TIAM2: variants seen among roughly 807,000 people sequenced by gnomAD.
TIAM2 encodes the protein TIAM Rac1 associated GEF 2, also known as rho guanine nucleotide exchange factor TIAM2.
A neutral mutation model predicts 152.9 loss-of-function variants in TIAM2; 80 were observed. The ratio of observed to expected loss-of-function variants is 0.52; its 90% CI spans 0.44 to 0.63. TIAM2 has a LOEUF of 0.63. TIAM2 is among the 30% of genes least tolerant of loss of function. The pLI is 0.00. For missense variants in TIAM2, 1,965 were observed against 2,120.1 expected (o/e 0.93, Z 1.44); for synonymous variants, 804 against 838.0 (o/e 0.96, Z 0.70).
At chr6:155,134,826 A>C (rs767873528) in intron 4 of TIAM2, among the ~76,000 whole-genome samples, 16 of 152,100 alleles carry the variant, frequency 1.1e-4, no homozygotes, top group Non-Finnish European at 1.6e-4. Flanking sequence ...CTGCCTCAGC[A>C]TCCCAAGTAG....
chr6:155,210,733 C>A (rs543750872), intron 14 of TIAM2, among the ~76,000 whole-genome samples: 4 of 152,172 alleles, frequency 2.6e-5, no homozygotes, highest in African/African-American at 9.7e-5. Context: ...GATGCCAGCA[C>A]AAGAAACATG....
At chr6:155,162,946 A>G (rs1780311295) in intron 7 of TIAM2, among the ~76,000 whole-genome samples, 1 of 152,220 alleles carries the variant, frequency 6.6e-6, no homozygotes, top group Non-Finnish European at 1.5e-5. Flanking sequence ...TTTTTCTTTC[A>G]TGCAGAAAAG....
At chr6:154,998,690 A>T (rs184625221) in intron 1 of TIAM2, among the ~76,000 whole-genome samples, 13 of 152,364 alleles carry the variant, frequency 8.5e-5, no homozygotes, top group African/African-American at 3.1e-4. Context: ...TCTAGAATTC[A>T]TAACATTGGA....
intron 4 of TIAM2, among the ~76,000 whole-genome samples, chr6:155,136,525 C>A (rs1042682566): frequency 6.6e-6 from 1 of 152,026 alleles, no homozygotes; most frequent in Non-Finnish European, 1.5e-5. Flanking sequence ...CCACCTGCCT[C>A]GGCCTCCCAA....
At chr6:155,046,766 G>C (rs182128912) in intron 1 of TIAM2, among the ~76,000 whole-genome samples, 5 of 152,068 alleles carry the variant, frequency 3.3e-5, no homozygotes, top group Admixed American at 2.6e-4. Flanking sequence ...TGCCTCTCTC[G>C]GGGAGACAGA....
chr6:155,043,556 C>G (rs997741238), intron 1 of TIAM2, among the ~76,000 whole-genome samples: 1 of 150,156 alleles, frequency 6.7e-6, no homozygotes, highest in African/African-American at 2.5e-5. Flanking sequence ...ATTGCTTGAG[C>G]CCGGGAGTTT....
chr6:155,164,729 C>T, intron 8 of TIAM2, 129 bp downstream of exon 8: 1 of 1,148,342 alleles, frequency 8.7e-7, no homozygotes, highest in Non-Finnish European at 1.2e-6. Flanking sequence ...GGCCAGGTCA[C>T]CCAGAGGCCA....
intron 1 of TIAM2, among the ~76,000 whole-genome samples, chr6:155,070,972 G>GA (rs1181229702): frequency 6.6e-6 from 1 of 152,180 alleles, no homozygotes; most frequent in Non-Finnish European, 1.5e-5. Flanking sequence ...AAGAGGTCGA[G>GA]ACCAGCCTGG....
At chr6:155,107,078 T>A (rs1778710795) in intron 2 of TIAM2, among the ~76,000 whole-genome samples, 1 of 152,186 alleles carries the variant, frequency 6.6e-6, no homozygotes, top group Non-Finnish European at 1.5e-5. Context: ...TTTGTGGATG[T>A]GTATATAGAC....
chr6:155,222,007 G>A (rs1782061537), intron 15 of TIAM2, among the ~76,000 whole-genome samples: 1 of 151,916 alleles, frequency 6.6e-6, no homozygotes, highest in Admixed American at 6.6e-5. Flanking sequence ...AGGCTGGAGT[G>A]CAGTGGCGCG....
chr6:155,096,049 T>A (rs1778413686), intron 2 of TIAM2, among the ~76,000 whole-genome samples: 1 of 152,232 alleles, frequency 6.6e-6, no homozygotes, highest in Non-Finnish European at 1.5e-5. Context: ...ACAGATGTTA[T>A]CATTTACATA....
At chr6:155,046,324 GCT>G (rs1777173182) in intron 1 of TIAM2, among the ~76,000 whole-genome samples, 1 of 142,362 alleles carries the variant, frequency 7.0e-6, no homozygotes, top group Non-Finnish European at 1.5e-5. Context: ...GGCACTCTTG[GCT>G]CTGTCTTTTT....
intron 1 of TIAM2, among the ~76,000 whole-genome samples, chr6:155,078,942 G>T (rs1373576780): frequency 9.9e-5 from 15 of 151,782 alleles, no homozygotes; most frequent in Non-Finnish European, 2.9e-5. Context: ...ATTGCTGCCT[G>T]AAATCCTGTT....
chr6:155,239,189 T>C (rs1408158715), intron 15 of TIAM2, among the ~76,000 whole-genome samples: 1 of 152,200 alleles, frequency 6.6e-6, no homozygotes, highest in Non-Finnish European at 1.5e-5. Flanking sequence ...CAGAGATGGA[T>C]AGAGGTCAGG....
rs11368126 is a variant in TIAM2 at position 155,128,697 on chromosome 6, T to TA, written c.-6-506dup. Among the ~76,000 whole-genome samples, 223 of 140,656 alleles carry TA rather than the reference T, an allele frequency of 1.6e-3. 1 individual carries two copies. The highest frequency in any genetic ancestry group is 6.5e-3 in the East Asian group (31 of 4,776). 92.3% of individuals were successfully genotyped at this position (140,656 alleles called of 152,430 possible). A position where few individuals can be genotyped will look rare whatever the true frequency, so the allele number is the denominator to read the frequency against. On this transcript the variant is annotated intron_variant, in intron 3 of 26. Transcript: ENST00000682666. ...GCAACAGAGTGAGACCCCATATCTT[T>TA]AAAAAAAAAAAAAAACCCCGAGCTT...
At chr6:155,256,023 G>T (rs994425806) in intron 26 of TIAM2, 1 of 198,242 alleles carries the variant, frequency 5.0e-6, no homozygotes, top group South Asian at 7.4e-5. Flanking sequence ...AAAAAAAGGG[G>T]GGGGGAGGGG....
chr6:155,032,065 T>C (rs1776832845), intron 1 of TIAM2, among the ~76,000 whole-genome samples: 2 of 152,080 alleles, frequency 1.3e-5, no homozygotes, highest in African/African-American at 2.4e-5. Context: ...GCGTGTACTT[T>C]ATACGATGGA....
chr6:155,149,240 AG>A (rs1254241742), intron 7 of TIAM2: 1 of 167,084 alleles, frequency 6.0e-6, no homozygotes, highest in Non-Finnish European at 1.5e-5. Flanking sequence ...AGTTACCACG[AG>A]GGGATCTGTG....
intron 3 of TIAM2, among the ~76,000 whole-genome samples, chr6:155,128,236 C>T (rs1172795848): frequency 6.6e-6 from 1 of 152,158 alleles, no homozygotes. Context: ...GAAGTCTTTA[C>T]AAAAGCTCTA....
Sources: gnomAD v4.1 joint callset for allele counts (sites outside exome capture counted in the v4.1 genomes callset) on GRCh38, gnomAD v4.1.1 for gene constraint, MANE v1.5 for transcripts, NCBI Gene and HGNC (gene_info 2026-07-23, HGNC 2026-07-21) for gene names.